ZNF469: variants seen among roughly 807,000 people sequenced by gnomAD.
ZNF469 encodes zinc finger protein 469.
A neutral mutation model predicts 1.0 loss-of-function variants in ZNF469; 1 was observed. The ratio of observed to expected loss-of-function variants is 1.00; its 90% confidence interval spans 0.35 to 4.73. ZNF469 has a LOEUF of 4.73. Ranked by LOEUF, ZNF469 falls within the 30% of genes most tolerant of loss-of-function variation. ZNF469 has a pLI of 0.16. For missense variants in ZNF469, 6,100 were observed against 5,356.3 expected, an observed-to-expected ratio of 1.14 and a Z score of -4.33; for synonymous variants, 2,703 against 2,363.4, an observed-to-expected ratio of 1.14 and a Z score of -4.17.
At chr16:88,270,299 G>A in the ZNF469 span, among the ~76,000 whole-genome samples, 3 of 152,324 alleles carry the variant, frequency 2.0e-5, no homozygotes, top group Non-Finnish European at 2.9e-5. Flanking sequence ...AGGACGTTGA[G>A]GGTGAAGGGG....
chr16:88,386,531 C>A (rs1010820278), intron 1 of ZNF469, among the ~76,000 whole-genome samples: 2 of 152,182 alleles, frequency 1.3e-5, no homozygotes, highest in African/African-American at 4.8e-5. Context: ...AAGGCCATCC[C>A]CCTTGACGAA....
At chr16:88,391,094 G>A (rs1283366603) in intron 1 of ZNF469, among the ~76,000 whole-genome samples, 1 of 152,254 alleles carries the variant, frequency 6.6e-6, no homozygotes, top group South Asian at 2.1e-4. Context: ...TTTGGGAGGT[G>A]TGATATAGAA....
chr16:88,163,610 GTAGATGGA>G, the ZNF469 span, among the ~76,000 whole-genome samples: 1 of 103,000 alleles, frequency 9.7e-6, no homozygotes, highest in African/African-American at 3.4e-5. Context: ...ATGTGCATTG[GTAGATGGA>G]TGGATGGATG....
chr16:88,373,191 A>T, the ZNF469 span, among the ~76,000 whole-genome samples: 22 of 152,244 alleles, frequency 1.4e-4, no homozygotes, highest in Admixed American at 1.4e-3. Flanking sequence ...GGGCTCTAAG[A>T]GGAAACAAGA....
chr16:88,227,521 CAT>C, the ZNF469 span, among the ~76,000 whole-genome samples: 1 of 147,072 alleles, frequency 6.8e-6, no homozygotes, highest in African/African-American at 2.6e-5. Context: ...CCCATCTCCC[CAT>C]CTCCCCATCT....
At chr16:88,229,515 T>A in the ZNF469 span, among the ~76,000 whole-genome samples, 1 of 146,558 alleles carries the variant, frequency 6.8e-6, no homozygotes, top group Admixed American at 6.8e-5. Flanking sequence ...GAATGATGAA[T>A]GTGTGCGTGT....
rs564261194 is a variant in ZNF469, at chr16:88,411,540, G to T, written c.-191-13267G>T. Among the ~76,000 whole-genome samples, 879 of 150,234 alleles carry T rather than the reference G, an allele frequency of 5.9e-3. 9 individuals carry two copies. Among genetic ancestry groups the T allele is most frequent in the African/African-American group, 0.02 (832 of 40,866 alleles). On this transcript the variant is annotated intron_variant, in intron 1 of 2. Coordinates refer to ENST00000565624, the MANE Select transcript of ZNF469 (RefSeq NM_001367624.2). Reference sequence around the variant, plus strand: ...GGGGTGCGAGCGGGCAGGGGTGGGTGTGAGCATGGCTCTCCCGCATGGCTG... The same window carrying T: ...GGGGTGCGAGCGGGCAGGGGTGGGTTTGAGCATGGCTCTCCCGCATGGCTG...
At chr16:88,285,863 G>A in the ZNF469 span, among the ~76,000 whole-genome samples, 2 of 152,358 alleles carry the variant, frequency 1.3e-5, no homozygotes, top group Non-Finnish European at 2.9e-5. Flanking sequence ...AGGGGCCCTC[G>A]TGCCACTTGG....
rs1359910540 is a variant in ZNF469 at position 88,437,068 on chromosome 16, C to A, written c.9598C>A (p.Arg3200Ser). 1 of 1,540,410 alleles carries A rather than the reference C, an allele frequency of 6.5e-7. No individual in the cohort carries two copies. Among genetic ancestry groups the A allele is most frequent in the Non-Finnish European group, 8.7e-7 (1 of 1,144,254 alleles). The change falls in exon 3 of 3, where the codon CGC (arginine) becomes AGC (serine). Residue 3200 changes from arginine (R) to serine (S), a missense_variant. Transcript: ENST00000565624. ...YNEHLREHAV[R>S]FARRGQARRS... Reference sequence around the variant, plus strand: ...CGAGCACCTGCGTGAGCACGCGGTCCGCTTCGCCCGCAGGGGGCAGGCGCG... The same window carrying A: ...CGAGCACCTGCGTGAGCACGCGGTCAGCTTCGCCCGCAGGGGGCAGGCGCG...
At chr16:88,379,266 G>A (rs1241013711), upstream of ZNF469, among the ~76,000 whole-genome samples, 4 of 152,146 alleles carry the variant, frequency 2.6e-5, no homozygotes, top group Non-Finnish European at 5.9e-5. Flanking sequence ...CTGGCTCAGT[G>A]GCTGTGGGTA....
the ZNF469 span, among the ~76,000 whole-genome samples, chr16:88,342,411 C>A: frequency 6.6e-6 from 1 of 152,156 alleles, no homozygotes; most frequent in Non-Finnish European, 1.5e-5. Flanking sequence ...CATGGCCGAA[C>A]CTGGATGGAG....
At chr16:88,143,397 G>C in the ZNF469 span, among the ~76,000 whole-genome samples, 5 of 152,194 alleles carry the variant, frequency 3.3e-5, no homozygotes, top group Non-Finnish European at 5.9e-5. Context: ...AGCGGGCTGG[G>C]GCGCCGAGCA....
At chr16:88,363,566 A>T in the ZNF469 span, among the ~76,000 whole-genome samples, 1 of 152,160 alleles carries the variant, frequency 6.6e-6, no homozygotes, top group Non-Finnish European at 1.5e-5. Context: ...GATTTTTCCC[A>T]TGTTGGTCTC....
the ZNF469 span, among the ~76,000 whole-genome samples, chr16:88,118,285 T>C: frequency 3.3e-5 from 5 of 152,368 alleles, no homozygotes; most frequent in Admixed American, 2.0e-4. Context: ...TTTTAAAGAC[T>C]GTACATTTCT....
the ZNF469 span, among the ~76,000 whole-genome samples, chr16:88,323,172 G>A: frequency 3.9e-5 from 6 of 152,144 alleles, no homozygotes; most frequent in African/African-American, 9.7e-5. Context: ...AGCCAGGCTC[G>A]GTGGCCACCC....
chr16:88,247,505 GGAATGAGTGAGTGAGT>G, the ZNF469 span, among the ~76,000 whole-genome samples: 26 of 144,674 alleles, frequency 1.8e-4, no homozygotes, highest in African/African-American at 2.8e-4. Context: ...AGTGAGTGAG[GGAATGAGTGAGTGAGT>G]GAATGAGTGA....
chr16:88,234,393 A>T, the ZNF469 span, among the ~76,000 whole-genome samples: 1 of 152,250 alleles, frequency 6.6e-6, no homozygotes, highest in African/African-American at 2.4e-5. Flanking sequence ...TGTGATCTTG[A>T]GGGGCAGGGA....
chr16:88,293,516 A>ATGAATGGG, the ZNF469 span, among the ~76,000 whole-genome samples: 1 of 152,156 alleles, frequency 6.6e-6, no homozygotes, highest in Non-Finnish European at 1.5e-5. Flanking sequence ...AGGTAGATAG[A>ATGAATGGG]TGAATGGGTG....
chr16:88,385,764 C>T lies in ZNF469; in HGVS notation c.-192+2510C>T, dbSNP rs115161273. Reference sequence around the variant, plus strand: ...AGGCTCTGGGAACAGCTGCTAGGGGCTGTGTGGCCTTGGGTGAGTGACCAA... The same window carrying T: ...AGGCTCTGGGAACAGCTGCTAGGGGTTGTGTGGCCTTGGGTGAGTGACCAA... On this transcript the variant is annotated intron_variant, in intron 1 of 2. Coordinates refer to ENST00000565624, the MANE Select transcript of ZNF469 (RefSeq NM_001367624.2). Among the ~76,000 whole-genome samples the T allele has an allele frequency of 1.6e-3, 239 of 152,214 alleles. 1 individual carries two copies. The highest frequency in any genetic ancestry group is 5.3e-3 in the African/African-American group (222 of 41,514).
Sources: allele counts gnomAD v4.1 joint callset (sites outside exome capture counted in the v4.1 genomes callset), GRCh38; gene constraint gnomAD v4.1.1; transcripts MANE v1.5; gene names NCBI Gene and HGNC (gene_info 2026-07-23, HGNC 2026-07-21).